Variants in LPA observed in about 807,000 individuals in gnomAD.
LPA encodes apolipoprotein(a).
LPA carries 199 observed loss-of-function variants against 197.9 expected under a neutral mutation model. That is an observed-to-expected ratio of 1.01 (90% CI 0.90 to 1.13). The LOEUF is 1.13. LPA is among the 50% of genes most tolerant of loss of function. The pLI is 0.00. For missense variants in LPA, 1,853 were observed against 1,785.8 expected (o/e 1.04, Z -0.68); for synonymous variants, 715 against 639.5 (o/e 1.12, Z -1.78).
intron 2 of LPA, among the ~76,000 whole-genome samples, chr6:160,650,084 A>T (rs913120314): frequency 1.3e-5 from 2 of 152,184 alleles, no homozygotes; most frequent in East Asian, 3.8e-4. Flanking sequence ...CTGTCTAAAC[A>T]TTCTGATTTT....
intron 24 of LPA, among the ~76,000 whole-genome samples, chr6:160,586,861 A>C (rs1778921726): frequency 6.6e-6 from 1 of 152,228 alleles, no homozygotes; most frequent in African/African-American, 2.4e-5. Flanking sequence ...CTTTATAAGA[A>C]AACTGAGAGA....
chr6:160,658,870 G>C (rs202246011), intron 1 of LPA, among the ~76,000 whole-genome samples: 3,939 of 31,524 alleles, frequency 0.12, 72 homozygotes, highest in Middle Eastern at 0.17. Flanking sequence ...GAACTAATAG[G>C]AGATTATATA....
At chr6:160,652,017 A>C (rs1284179898) in intron 1 of LPA, among the ~76,000 whole-genome samples, 1 of 31,930 alleles carries the variant, frequency 3.1e-5, no homozygotes, top group East Asian at 2.6e-4. Context: ...AGTTCCTGAC[A>C]AAAAAAAAAA....
intron 2 of LPA, among the ~76,000 whole-genome samples, 162 bp downstream of exon 2, chr6:160,650,176 C>T (rs138629072): frequency 1.7e-3 from 258 of 152,340 alleles, no homozygotes; most frequent in African/African-American, 5.7e-3. Context: ...TAACATTTCT[C>T]TTCTATCATA....
chr6:160,547,962 C>G (rs891964892), intron 31 of LPA, 25 bp from the exon 32 acceptor site: 3 of 1,612,878 alleles, frequency 1.9e-6, no homozygotes, highest in Admixed American at 1.7e-5. Context: ...AAAAATAAAA[C>G]AGATGATTAC....
intron 34 of LPA, among the ~76,000 whole-genome samples, chr6:160,541,964 A>T (rs1175133268): frequency 6.6e-6 from 1 of 150,604 alleles, no homozygotes; most frequent in African/African-American, 2.4e-5. Context: ...AAACTTACAG[A>T]AGGAAGTCTC....
intron 30 of LPA, among the ~76,000 whole-genome samples, chr6:160,549,610 A>G (rs555088362): frequency 1.3e-5 from 2 of 152,346 alleles, no homozygotes; most frequent in Non-Finnish European, 2.9e-5. Context: ...TTTACAGTGA[A>G]AAACAACCAT....
In LPA at chr6:160,633,734, G is replaced by T; in HGVS notation, c.1235+19C>A. ...TCACTTGGCCCTTTCTTCTCTTATG[G>T]TAAAGAACAAAGACATACGCATTTG... On this transcript the variant is annotated intron_variant, in intron 8 of 38. Coordinates refer to ENST00000316300, the MANE Select transcript of LPA (RefSeq NM_005577.4). 1 of 1,239,804 alleles carries T rather than the reference G, an allele frequency of 8.1e-7. No individual in the cohort carries two copies. Among genetic ancestry groups the T allele is most frequent in the Non-Finnish European group, 1.1e-6 (1 of 919,688 alleles). 76.8% of individuals were successfully genotyped at this position (1,239,804 alleles called of 1,614,324 possible).
At chr6:160,557,180 G>T (rs978113392) in intron 29 of LPA, among the ~76,000 whole-genome samples, 1 of 151,910 alleles carries the variant, frequency 6.6e-6, no homozygotes, top group Non-Finnish European at 1.5e-5. Flanking sequence ...GGTAAGTCAA[G>T]TGCCCAGGTG....
chr6:160,664,021 A>G, intron 1 of LPA, 145 bp downstream of exon 1: 1 of 1,161,518 alleles, frequency 8.6e-7, no homozygotes, highest in Non-Finnish European at 1.2e-6. Flanking sequence ...TTTTTTAAGA[A>G]TTTTTCAATC....
chr6:160,600,528 T>G (rs1779217595), intron 19 of LPA, among the ~76,000 whole-genome samples: 1 of 152,196 alleles, frequency 6.6e-6, no homozygotes, highest in Non-Finnish European at 1.5e-5. Flanking sequence ...TCTCGGAATC[T>G]GCAATGCTGA....
In LPA at chr6:160,634,831, A is replaced by C. The variant is rs559712095; in HGVS notation, c.1075+292T>G. Among the ~76,000 whole-genome samples the C allele has an allele frequency of 3.8e-3, 564 of 150,306 alleles. 63 individuals are homozygous for C. Among genetic ancestry groups the C allele is most frequent in the African/African-American group, 0.014 (545 of 39,626 alleles). ...ATCACACACCTGACAGCACGTTACA[A>C]TAAAAATTTTGGCTAAGACACTGAG... On this transcript the variant is annotated intron_variant, in intron 7 of 38. Coordinates refer to ENST00000316300, the MANE Select transcript of LPA (RefSeq NM_005577.4).
At chr6:160,551,725 T>A (rs1778169043) in intron 30 of LPA, among the ~76,000 whole-genome samples, 1 of 152,192 alleles carries the variant, frequency 6.6e-6, no homozygotes, top group Non-Finnish European at 1.5e-5. Flanking sequence ...AAAGCAAAAG[T>A]CAAGTTCTGC....
At chr6:160,585,241 C>T in intron 25 of LPA, 36 bp from the exon 26 acceptor site, 1 of 1,611,492 alleles carries the variant, frequency 6.2e-7, no homozygotes, top group Non-Finnish European at 8.5e-7. Context: ...TCAGTATTGC[C>T]TAGAAAAGGG....
intron 24 of LPA, among the ~76,000 whole-genome samples, chr6:160,587,847 T>C (rs1778944454): frequency 6.6e-6 from 1 of 151,404 alleles, no homozygotes; most frequent in African/African-American, 2.4e-5. Context: ...GTGTAGCTCC[T>C]ATTGAATTAT....
At position 160,653,996 on chromosome 6, in the gene LPA, T is replaced by TTA. The variant is rs1562354606; in HGVS notation, c.50-3501_50-3500dup. The stretch of plus-strand genomic sequence containing the variant: ...TATAATATATAATATATAATATATA[T>TTA]TATATATAATATATATTATATATAA... On this transcript the variant is annotated intron_variant, in intron 1 of 38. Coordinates refer to ENST00000316300, the MANE Select transcript of LPA (RefSeq NM_005577.4). 8.1e-4 allele frequency among the ~76,000 whole-genome samples: 13 copies of TTA among 16,084 alleles called. No homozygotes were observed. The South Asian group carries it at 0.014, about 18-fold the overall frequency. 10.6% of individuals were successfully genotyped at this position (16,084 alleles called of 152,430 possible).
At chr6:160,647,858 C>T (rs1222571454) in intron 2 of LPA, among the ~76,000 whole-genome samples, 1 of 152,174 alleles carries the variant, frequency 6.6e-6, no homozygotes, top group Non-Finnish European at 1.5e-5. Flanking sequence ...AAGATATAAA[C>T]GTTTGATCAA....
chr6:160,611,501 C>G (rs569787069), intron 16 of LPA, 61 bp downstream of exon 16: 2 of 1,597,806 alleles, frequency 1.3e-6, no homozygotes, highest in Admixed American at 3.3e-5. Flanking sequence ...TGAAGCATGT[C>G]TCTTGTCACA....
chr6:160,533,215 C>A (rs909274117), intron 37 of LPA, among the ~76,000 whole-genome samples: 6 of 152,238 alleles, frequency 3.9e-5, no homozygotes, highest in Middle Eastern at 3.4e-3. Context: ...TGTGAATGTA[C>A]TGAATGCCAC....
Sources: gnomAD v4.1 joint callset for allele counts (sites outside exome capture counted in the v4.1 genomes callset) on GRCh38, gnomAD v4.1.1 for gene constraint, MANE v1.5 for transcripts, NCBI Gene and HGNC (gene_info 2026-07-23, HGNC 2026-07-21) for gene names.